ZNF880: variants seen among roughly 807,000 people sequenced by gnomAD.
ZNF880 encodes the protein zinc finger protein 880.
A neutral mutation model predicts 11.8 loss-of-function variants in ZNF880; 12 were observed. The observed-to-expected ratio is 1.02, with a 90% CI of 0.65 to 1.65. ZNF880 has a LOEUF of 1.65. ZNF880 is among the 40% of genes most tolerant of loss of function. ZNF880 has a pLI of 0.00. For synonymous variants in ZNF880, 210 were observed against 232.4 expected, an observed-to-expected ratio of 0.90 and a Z score of 0.88; for missense variants, 601 against 673.9, an observed-to-expected ratio of 0.89 and a Z score of 1.20.
intron 3 of ZNF880, chr19:52,379,470 A>G (rs993584679): frequency 2.2e-6 from 1 of 447,122 alleles, no homozygotes; most frequent in African/African-American, 2.0e-5. Flanking sequence ...ATCTCGGCTC[A>G]CTGCAACCTT....
upstream of ZNF880, chr19:52,367,026 A>G (rs992893099): frequency 2.2e-5 from 9 of 400,102 alleles, no homozygotes; most frequent in Non-Finnish European, 4.0e-5. Flanking sequence ...CTTGAGTAGG[A>G]TTCACATTTA....
chr19:52,375,694 C>T (rs1185081001), intron 3 of ZNF880, among the ~76,000 whole-genome samples: 5 of 152,010 alleles, frequency 3.3e-5, no homozygotes, highest in Admixed American at 6.6e-5. Flanking sequence ...ATTGTATCGC[C>T]TTTGCATCCT....
intron 1 of ZNF880, among the ~76,000 whole-genome samples, chr19:52,372,132 T>C (rs1348643812): frequency 6.6e-6 from 1 of 151,592 alleles, no homozygotes; most frequent in Non-Finnish European, 1.5e-5. Flanking sequence ...GATGTTGCAG[T>C]GAGCCAAGAT....
At chr19:52,392,338 T>C in the ZNF880 span, among the ~76,000 whole-genome samples, 1 of 152,168 alleles carries the variant, frequency 6.6e-6, no homozygotes, top group African/African-American at 2.4e-5. Flanking sequence ...CCTCGCTCTG[T>C]CACCCAGGCT....
downstream of ZNF880, among the ~76,000 whole-genome samples, chr19:52,386,247 A>G (rs1308792781): frequency 1.4e-5 from 2 of 142,728 alleles, no homozygotes; most frequent in African/African-American, 2.7e-5. Context: ...AATCATTTCT[A>G]TCAGTTTGCC....
At position 52,373,028 on chromosome 19, in the gene ZNF880, A is replaced by C. The variant is rs565027857; in HGVS notation, c.13-83A>C. The C allele has an allele frequency of 9.2e-5, 132 of 1,440,852 alleles. 2 individuals are homozygous for C. The Admixed American group carries it at 9.8e-4, about 11-fold the overall frequency. The allele number at this position is 1,440,852 out of a possible 1,614,324, so 89.3% of individuals were successfully genotyped here. On this transcript the variant is annotated intron_variant, in intron 1 of 3. Coordinates refer to ENST00000422689, the MANE Select transcript of ZNF880 (RefSeq NM_001145434.2). Reference sequence around the variant, plus strand: ...TACCTTAACGTGGATTTGTCAGAACATCCACTTCAATCAAGTCAGTCCTTA... The same window carrying C: ...TACCTTAACGTGGATTTGTCAGAACCTCCACTTCAATCAAGTCAGTCCTTA...
At chr19:52,376,086 G>T (rs1034625380) in intron 3 of ZNF880, among the ~76,000 whole-genome samples, 2 of 152,142 alleles carry the variant, frequency 1.3e-5, no homozygotes, top group Non-Finnish European at 2.9e-5. Context: ...ATTTGAGCTG[G>T]TTCTCTATTT....
At chr19:52,393,638 A>C in the ZNF880 span, among the ~76,000 whole-genome samples, 1 of 152,088 alleles carries the variant, frequency 6.6e-6, no homozygotes, top group Non-Finnish European at 1.5e-5. Flanking sequence ...GTATCTGCAG[A>C]ATGCCTTAAT....
chr19:52,393,732 ATG>A, the ZNF880 span, among the ~76,000 whole-genome samples: 2 of 117,216 alleles, frequency 1.7e-5, no homozygotes, highest in African/African-American at 5.8e-5. Context: ...TATATGGTAT[ATG>A]TCTCTATTTG....
downstream of ZNF880, chr19:52,390,793 A>C (rs915594859): frequency 6.6e-6 from 1 of 152,380 alleles, no homozygotes; most frequent in African/African-American, 2.4e-5. Flanking sequence ...TTAGCCAGGC[A>C]TGGTGGCGAA....
At position 52,384,288 on chromosome 19, in the gene ZNF880, A is replaced by T; in HGVS notation, c.708A>T (p.Gly236=). The T allele has an allele frequency of 6.2e-7, 1 of 1,613,814 alleles. No individual in the cohort carries two copies. The highest frequency in any genetic ancestry group is 8.5e-7 in the Non-Finnish European group (1 of 1,179,826). Residue 236 remains glycine, a synonymous_variant, in exon 4 of 4, where the codon GGA becomes GGT. Transcript: ENST00000422689. ...TACAACATCAAAGAATTCATACTGGAGAGAAGCCTTACAAGTGTCATGAAT... is the reference window on the plus strand; with the variant it reads ...TACAACATCAAAGAATTCATACTGGTGAGAAGCCTTACAAGTGTCATGAAT... ...NLVQHQRIHT[G]EKPYKCHECG...
At chr19:52,396,764 A>C in the ZNF880 span, 6 of 152,398 alleles carry the variant, frequency 3.9e-5, no homozygotes, top group East Asian at 1.2e-3. Flanking sequence ...TATTAAAAAC[A>C]AAGCAACAAA....
chr19:52,392,692 T>C, the ZNF880 span: 1 of 227,664 alleles, frequency 4.4e-6, no homozygotes. Flanking sequence ...ATTATCTCTA[T>C]GTGGGAGCAA....
chr19:52,392,465 T>C, the ZNF880 span, among the ~76,000 whole-genome samples: 1 of 152,148 alleles, frequency 6.6e-6, no homozygotes, highest in Non-Finnish European at 1.5e-5. Flanking sequence ...CAAACCTGGC[T>C]AATTTTTATA....
intron 2 of ZNF880, among the ~76,000 whole-genome samples, chr19:52,373,495 C>T (rs1415712104): frequency 6.6e-6 from 1 of 151,912 alleles, no homozygotes; most frequent in Non-Finnish European, 1.5e-5. Context: ...TGAGTGGTAC[C>T]AGGGCTTAAG....
chr19:52,385,443 CAG>C lies in ZNF880; in HGVS notation c.*133_*134del. The stretch of plus-strand genomic sequence containing the variant: ...GCTAAGTTCTAGCATTAATCAACAT[CAG>C]AGATTCCATACTAAAGAGAAATCAT... On this transcript the variant is annotated 3_prime_UTR_variant, in exon 4 of 4. Coordinates refer to ENST00000422689, the MANE Select transcript of ZNF880 (RefSeq NM_001145434.2). The C allele has an allele frequency of 9.2e-7, 1 of 1,088,480 alleles. No homozygotes were observed. Among genetic ancestry groups the C allele is most frequent in the Non-Finnish European group, 1.3e-6 (1 of 773,860 alleles). 67.4% of individuals were successfully genotyped at this position (1,088,480 alleles called of 1,614,324 possible).
intron 1 of ZNF880, 95 bp downstream of exon 1, chr19:52,370,072 C>A: frequency 6.9e-7 from 1 of 1,453,558 alleles, no homozygotes; most frequent in Non-Finnish European, 9.5e-7. Context: ...CTTGAAATCC[C>A]CGCATCGCTC....
chr19:52,388,118 TCCACCCGCCTC>T (rs1555804624), downstream of ZNF880, among the ~76,000 whole-genome samples: 1 of 106,762 alleles, frequency 9.4e-6, no homozygotes. Context: ...GACCTTGTGA[TCCACCCGCCTC>T]GGACTCCCAA....
chr19:52,381,742 C>T (rs1034339359), intron 3 of ZNF880, among the ~76,000 whole-genome samples: 2 of 151,850 alleles, frequency 1.3e-5, no homozygotes, highest in African/African-American at 4.8e-5. Flanking sequence ...TTGTGTGTGT[C>T]GGATAGATTT....
Sources: allele counts gnomAD v4.1 joint callset (sites outside exome capture counted in the v4.1 genomes callset), GRCh38; gene constraint gnomAD v4.1.1; transcripts MANE v1.5; gene names NCBI Gene and HGNC (gene_info 2026-07-23, HGNC 2026-07-21).